The following MYPN variants were observed in gnomAD, a reference collection of about 807,000 sequenced individuals.
The protein encoded by MYPN is myopalladin.
A neutral mutation model predicts 129.4 loss-of-function variants in MYPN; 63 were observed. That is an observed-to-expected ratio of 0.49 (90% CI 0.40 to 0.60). MYPN has a LOEUF of 0.60. Among genes scored for constraint, MYPN ranks in the 20% least tolerant of loss-of-function variants. MYPN has a pLI of 0.00. For synonymous variants in MYPN, 629 were observed against 600.9 expected (o/e 1.05, Z -0.68); for missense variants, 1,596 against 1,635.4 (o/e 0.98, Z 0.42).
At chr10:68,099,783 C>T (rs892848111) in intron 1 of MYPN, among the ~76,000 whole-genome samples, 2 of 152,148 alleles carry the variant, frequency 1.3e-5, no homozygotes, top group African/African-American at 2.4e-5. Context: ...GACTTGGAAA[C>T]ACTTTGGAGG....
intron 7 of MYPN, among the ~76,000 whole-genome samples, chr10:68,159,803 A>C (rs1024289504): frequency 6.6e-6 from 1 of 152,076 alleles, no homozygotes; most frequent in South Asian, 2.1e-4. Context: ...GTATTTTTTT[A>C]GTTTTTCCAT....
intron 12 of MYPN, among the ~76,000 whole-genome samples, chr10:68,188,411 C>CTTT (rs11418567): frequency 1.9e-4 from 28 of 144,350 alleles, no homozygotes; most frequent in South Asian, 6.6e-4. Flanking sequence ...TGCCTGGCCT[C>CTTT]TTTTTTTTTT....
chr10:68,199,415 A>T lies in MYPN; in HGVS notation c.3333A>T (p.Gln1111His). The T allele has an allele frequency of 6.2e-7, 1 of 1,614,102 alleles. No homozygotes were observed. Among genetic ancestry groups the T allele is most frequent in the Non-Finnish European group, 8.5e-7 (1 of 1,180,020 alleles). ...PPELTWLLNG[Q>H]PVLPDASHKM... Reference sequence around the variant, plus strand: ...AGCTGACATGGCTACTCAATGGCCAACCTGTGCTACCAGATGCCTCCCACA... The same window carrying T: ...AGCTGACATGGCTACTCAATGGCCATCCTGTGCTACCAGATGCCTCCCACA... The change falls in exon 17 of 20, where the codon CAA (glutamine) becomes CAT (histidine). Residue 1111 changes from glutamine to histidine, a missense_variant. Gln to His is a conservative substitution (Grantham distance 24). Transcript: ENST00000358913.
At chr10:68,178,413 T>C (rs1195266504) in intron 12 of MYPN, among the ~76,000 whole-genome samples, 22 of 152,094 alleles carry the variant, frequency 1.4e-4, no homozygotes, top group Admixed American at 1.3e-3. Context: ...ATCTGAAAAG[T>C]CAAAGGAATC....
chr10:68,177,179 A>G (rs1374150867), intron 12 of MYPN, among the ~76,000 whole-genome samples: 2 of 152,234 alleles, frequency 1.3e-5, no homozygotes, highest in Admixed American at 6.5e-5. Flanking sequence ...ATGTGTGTAC[A>G]TGTAAACGTG....
chr10:68,136,348 G>A, intron 2 of MYPN: 2 of 885,006 alleles, frequency 2.3e-6, no homozygotes, highest in Non-Finnish European at 2.8e-6. Flanking sequence ...ATCATGCCTG[G>A]CACCTACTGC....
At chr10:68,154,704 A>G (rs538869202) in intron 6 of MYPN, among the ~76,000 whole-genome samples, 1 of 152,332 alleles carries the variant, frequency 6.6e-6, no homozygotes, top group East Asian at 1.9e-4. Flanking sequence ...AAAATGGCAA[A>G]ACGAACCTTG....
chr10:68,198,798 C>T (rs10998010), intron 16 of MYPN, among the ~76,000 whole-genome samples: 87,523 of 151,208 alleles, frequency 0.58, 27,317 homozygotes, highest in Non-Finnish European at 0.69. Context: ...TTCTCACTCA[C>T]AAGTGGGAGT....
In MYPN at chr10:68,145,548, A is replaced by G. The variant is rs1419109256; in HGVS notation, c.1130+22A>G. 8 of 1,601,432 alleles carry G rather than the reference A, an allele frequency of 5.0e-6. No individual in the cohort carries two copies. The East Asian group carries it at 1.6e-4, about 31-fold the overall frequency. On this transcript the variant is annotated intron_variant, in intron 4 of 19. Coordinates refer to ENST00000358913, the MANE Select transcript of MYPN (RefSeq NM_032578.4). Reference sequence around the variant, plus strand: ...ATCGGTAATTCTGATTTTCTGTCTTATAGCTTTAGCATCCTCAGATCAATT... The same window carrying G: ...ATCGGTAATTCTGATTTTCTGTCTTGTAGCTTTAGCATCCTCAGATCAATT...
chr10:68,197,754 A>T (rs1449762974), intron 16 of MYPN, among the ~76,000 whole-genome samples: 1 of 152,152 alleles, frequency 6.6e-6, no homozygotes, highest in Non-Finnish European at 1.5e-5. Flanking sequence ...CAAAGAGGTG[A>T]TACACAGTAG....
intron 12 of MYPN, among the ~76,000 whole-genome samples, chr10:68,185,033 G>A (rs928500723): frequency 3.3e-5 from 5 of 151,962 alleles, no homozygotes; most frequent in African/African-American, 1.2e-4. Flanking sequence ...TTCCGGCCGG[G>A]CGTGCTCAAG....
Position 68,166,429 on chromosome 10 carries a change from A to G in MYPN, c.1736A>G (p.Glu579Gly), listed in dbSNP as rs2043054854. The G allele has an allele frequency of 6.2e-7, 1 of 1,613,914 alleles. No homozygotes were observed. Among genetic ancestry groups the G allele is most frequent in the Non-Finnish European group, 8.5e-7 (1 of 1,180,024 alleles). The change falls in exon 10 of 20, where the codon GAG becomes GGG. Residue 579 changes from glutamate (E) to glycine (G), a missense_variant. Glu to Gly is a moderately conservative substitution (Grantham distance 98). Coordinates refer to ENST00000358913, the MANE Select transcript of MYPN (RefSeq NM_032578.4). ...SVEQPPKPKL[E>G]GVLVNHNEPR... ...GAACAACCCCCCAAACCCAAACTCG[A>G]GGGGGTTCTGGTGAACCACAATGAG...
intron 10 of MYPN, among the ~76,000 whole-genome samples, chr10:68,171,896 C>A (rs1589584569): frequency 6.6e-6 from 1 of 152,350 alleles, no homozygotes; most frequent in East Asian, 1.9e-4. Context: ...CTGGCTCCAG[C>A]ACACACTGCC....
chr10:68,147,218 G>A lies in MYPN; in HGVS notation c.1131-1135G>A, dbSNP rs10997946. On this transcript the variant is annotated intron_variant, in intron 4 of 19. Transcript: ENST00000358913. ...TGCCCAGGCTAGAGTGCTGTAGTGC[G>A]ATCTCAGCTCACTGCAACCTCTGCC... 6.7e-3 allele frequency among the ~76,000 whole-genome samples: 1,012 copies of A among 152,168 alleles called. 13 individuals carry two copies. Among genetic ancestry groups the A allele is most frequent in the African/African-American group, 0.023 (966 of 41,496 alleles).
At chr10:68,089,043 A>G (rs2041918999) in intron 1 of MYPN, among the ~76,000 whole-genome samples, 1 of 152,036 alleles carries the variant, frequency 6.6e-6, no homozygotes, top group Non-Finnish European at 1.5e-5. Context: ...TTGTTTGTTT[A>G]ATTTTTGAGA....
At chr10:68,132,824 A>G (rs2042430405) in intron 2 of MYPN, among the ~76,000 whole-genome samples, 1 of 152,162 alleles carries the variant, frequency 6.6e-6, no homozygotes, top group Non-Finnish European at 1.5e-5. Context: ...ATTTGATTCA[A>G]TAACAGGGAG....
At chr10:68,207,054 T>C in intron 19 of MYPN, 151 bp downstream of exon 19, 8 of 928,832 alleles carry the variant, frequency 8.6e-6, no homozygotes, top group South Asian at 1.4e-5. Context: ...GGTCAGGAGT[T>C]CAAGACCAGC....
At position 68,210,970 on chromosome 10, in the gene MYPN, G is replaced by T. The variant is rs1036884401; in HGVS notation, c.*515G>T. On this transcript the variant is annotated 3_prime_UTR_variant, in exon 20 of 20. Coordinates refer to ENST00000358913, the MANE Select transcript of MYPN (RefSeq NM_032578.4). Reference sequence around the variant, plus strand: ...ATCAGCTTCCACTTAGCATTAGGAGGTCATGCCATACAACTCACGTATGCG... The same window carrying T: ...ATCAGCTTCCACTTAGCATTAGGAGTTCATGCCATACAACTCACGTATGCG... The T allele has an allele frequency of 2.2e-6, 1 of 454,254 alleles. No individual in the cohort carries two copies. The highest frequency in any genetic ancestry group is 2.3e-5 in the Admixed American group (1 of 42,572). 28.1% of individuals were successfully genotyped at this position (454,254 alleles called of 1,614,324 possible).
intron 1 of MYPN, among the ~76,000 whole-genome samples, chr10:68,119,384 ATTTTATTTATTT>A (rs2042206473): frequency 9.0e-6 from 1 of 111,174 alleles, no homozygotes; most frequent in African/African-American, 3.2e-5. Context: ...TTTGCATTTT[ATTTTATTTATTT>A]ATTTATTTAT....
Sources: gnomAD v4.1 joint callset for allele counts (sites outside exome capture counted in the v4.1 genomes callset) on GRCh38, gnomAD v4.1.1 for gene constraint, MANE v1.5 for transcripts, NCBI Gene and HGNC (gene_info 2026-07-23, HGNC 2026-07-21) for gene names.